Variants in RASAL2 observed in about 807,000 individuals in gnomAD.
RASAL2 encodes the protein ras GTPase-activating protein nGAP.
A neutral mutation model predicts 128.9 loss-of-function variants in RASAL2; 58 were observed. That is an observed-to-expected ratio of 0.45 (90% confidence interval 0.36 to 0.56). The LOEUF is 0.56. Among genes scored for constraint, RASAL2 ranks in the 20% least tolerant of loss-of-function variants. The probability of loss-of-function intolerance (pLI) is 0.00; values close to 1 mark genes in which losing one functional copy is unlikely to be tolerated. For synonymous variants in RASAL2, 561 were observed against 580.8 expected, an observed-to-expected ratio of 0.97 and a Z score of 0.49; for missense variants, 1,360 against 1,601.6, an observed-to-expected ratio of 0.85 and a Z score of 2.57.
intron 9 of RASAL2, among the ~76,000 whole-genome samples, chr1:178,449,378 T>C (rs1288382840): frequency 6.6e-6 from 1 of 152,128 alleles, no homozygotes; most frequent in Non-Finnish European, 1.5e-5. Flanking sequence ...GATTTCCACT[T>C]GTAGCAGTGG....
intron 9 of RASAL2, among the ~76,000 whole-genome samples, chr1:178,448,659 CAA>C (rs976712958): frequency 7.2e-6 from 1 of 138,226 alleles, no homozygotes; most frequent in Admixed American, 7.2e-5. Flanking sequence ...AAAAGTCCAC[CAA>C]AAAAAAAAAG....
chr1:178,462,498 C>T (rs1297671150), intron 14 of RASAL2, among the ~76,000 whole-genome samples: 3 of 152,028 alleles, frequency 2.0e-5, no homozygotes, highest in Non-Finnish European at 4.4e-5. Flanking sequence ...ATAGTTTTTT[C>T]ATTTGAAGAA....
At chr1:178,403,949 G>A (rs889813995) in intron 4 of RASAL2, among the ~76,000 whole-genome samples, 2 of 152,030 alleles carry the variant, frequency 1.3e-5, no homozygotes, top group East Asian at 3.9e-4. Context: ...TATTAAGGTC[G>A]GGCACGGTGG....
At chr1:178,141,193 C>CTTTTTTTTT (rs71297900) in intron 1 of RASAL2, among the ~76,000 whole-genome samples, 49 of 73,946 alleles carry the variant, frequency 6.6e-4, no homozygotes, top group East Asian at 9.7e-4. Context: ...CTTTTCTTTT[C>CTTTTTTTTT]TTTTTTTTTT....
Position 178,465,950 on chromosome 1 carries a change from C to T in RASAL2, c.3418C>T (p.Arg1140Cys), listed in dbSNP as rs1403932269. 9.7e-6 allele frequency: 15 copies of T among 1,554,014 alleles called. No individual in the cohort carries two copies. Among genetic ancestry groups the T allele is most frequent in the Admixed American group, 3.9e-5 (2 of 51,290 alleles). ...ACAAGAAATTACTAAACTGAAGGAG[C>T]GCCTGAGAGTTTCCAGCCGGCGACT... ...YEQEITKLKE[R>C]LRVSSRRLEE... The change falls in exon 16 of 18, where the codon CGC becomes TGC. Residue 1140 changes from arginine to cysteine, a missense_variant. By Grantham distance (180) the Arg-to-Cys change is radical (BLOSUM62 -3). This residue lies in a region of RASAL2 where 741 missense variants were observed against 868.6 expected (regional missense o/e 0.85). Transcript: ENST00000367649.
intron 2 of RASAL2, among the ~76,000 whole-genome samples, chr1:178,290,132 C>T (rs1359215614): frequency 2.0e-5 from 3 of 152,158 alleles, no homozygotes; most frequent in Non-Finnish European, 4.4e-5. Context: ...TCTCTCATCT[C>T]CTACTGGAAT....
chr1:178,199,823 G>A (rs1162549937), intron 1 of RASAL2, among the ~76,000 whole-genome samples: 1 of 152,176 alleles, frequency 6.6e-6, no homozygotes, highest in Non-Finnish European at 1.5e-5. Flanking sequence ...TAACTTTTGA[G>A]TCAGTGGACT....
chr1:178,102,716 A>G (rs1251931723), intron 1 of RASAL2, among the ~76,000 whole-genome samples: 1 of 152,214 alleles, frequency 6.6e-6, no homozygotes, highest in East Asian at 1.9e-4. Context: ...TTTAAAAAAT[A>G]GGTAATATAT....
chr1:178,186,224 T>C (rs1036300866), intron 1 of RASAL2, among the ~76,000 whole-genome samples: 1 of 151,916 alleles, frequency 6.6e-6, no homozygotes, highest in Non-Finnish European at 1.5e-5. Flanking sequence ...ATGACTTTTC[T>C]CTTTTTTTTT....
intron 1 of RASAL2, among the ~76,000 whole-genome samples, chr1:178,167,181 C>T (rs923027402): frequency 6.6e-6 from 1 of 152,044 alleles, no homozygotes; most frequent in African/African-American, 2.4e-5. Context: ...TCATAAACCA[C>T]TAGGTTTTGT....
intron 5 of RASAL2, among the ~76,000 whole-genome samples, chr1:178,435,292 A>C (rs1676183143): frequency 6.6e-6 from 1 of 152,150 alleles, no homozygotes; most frequent in Non-Finnish European, 1.5e-5. Flanking sequence ...CTGTGGGGGA[A>C]ATGTGGCATT....
At chr1:178,214,245 G>T (rs976964505) in intron 1 of RASAL2, among the ~76,000 whole-genome samples, 1 of 152,144 alleles carries the variant, frequency 6.6e-6, no homozygotes, top group African/African-American at 2.4e-5. Context: ...CTGCTCTCCA[G>T]CCTGGATGAC....
chr1:178,343,603 T>C (rs1669993790), intron 3 of RASAL2, among the ~76,000 whole-genome samples: 1 of 152,146 alleles, frequency 6.6e-6, no homozygotes, highest in Non-Finnish European at 1.5e-5. Flanking sequence ...ATGCCAGAAA[T>C]GATCAGAAGT....
At chr1:178,402,402 T>C (rs1010109878) in intron 4 of RASAL2, among the ~76,000 whole-genome samples, 39 of 140,280 alleles carry the variant, frequency 2.8e-4, no homozygotes, top group Admixed American at 2.4e-3. Context: ...AGACTTCATC[T>C]AAAAAAAAAA....
At chr1:178,400,487 T>C (rs1673550493) in intron 4 of RASAL2, among the ~76,000 whole-genome samples, 1 of 152,194 alleles carries the variant, frequency 6.6e-6, no homozygotes, top group Non-Finnish European at 1.5e-5. Context: ...CACTATTATA[T>C]TGTAGGGTTG....
At chr1:178,285,280 C>G (rs1486876600) in intron 2 of RASAL2, among the ~76,000 whole-genome samples, 2 of 151,082 alleles carry the variant, frequency 1.3e-5, no homozygotes, top group Non-Finnish European at 3.0e-5. Flanking sequence ...GCCACCGCGC[C>G]CGGCTAATTT....
intron 1 of RASAL2, among the ~76,000 whole-genome samples, chr1:178,108,859 C>T (rs1451616879): frequency 6.6e-6 from 1 of 152,130 alleles, no homozygotes; most frequent in Non-Finnish European, 1.5e-5. Flanking sequence ...GTTTTATTAA[C>T]CGTAGATAAC....
At chr1:178,162,307 AT>A in intron 1 of RASAL2, among the ~76,000 whole-genome samples, 1 of 128,496 alleles carries the variant, frequency 7.8e-6, no homozygotes, top group Non-Finnish European at 1.6e-5. Context: ...ATATATATAT[AT>A]AATGTATTAT....
intron 1 of RASAL2, among the ~76,000 whole-genome samples, chr1:178,249,201 C>T (rs1664927502): frequency 6.6e-6 from 1 of 152,106 alleles, no homozygotes; most frequent in African/African-American, 2.4e-5. Flanking sequence ...TTGGTCTTTT[C>T]ACATAGTCCC....
Sources: gnomAD v4.1 joint callset for allele counts (sites outside exome capture counted in the v4.1 genomes callset) on GRCh38, gnomAD v4.1.1 for gene constraint, gnomAD v4.1.1 regional missense constraint, MANE v1.5 for transcripts, NCBI Gene and HGNC (gene_info 2026-07-23, HGNC 2026-07-21) for gene names.